The following ASCC3 variants were observed in gnomAD, a reference collection of about 807,000 sequenced individuals.
ASCC3 encodes the protein activating signal cointegrator 1 complex subunit 3.
In ASCC3, 158 loss-of-function variants were observed where a neutral mutation model predicts 256.3. The observed-to-expected ratio is 0.62, with a 90% CI of 0.54 to 0.70. The LOEUF (loss-of-function observed/expected upper bound fraction) is 0.70, where lower values mean the gene tolerates loss of function less well. ASCC3 is among the 30% of genes least tolerant of loss of function. The probability of loss-of-function intolerance (pLI) is 0.00; values close to 1 mark genes in which losing one functional copy is unlikely to be tolerated. For missense variants in ASCC3, 2,259 were observed against 2,626.0 expected, an observed-to-expected ratio of 0.86 and a Z score of 3.05; for synonymous variants, 948 against 883.4, an observed-to-expected ratio of 1.07 and a Z score of -1.30.
chr6:100,615,001 A>T (rs573598990), intron 30 of ASCC3, among the ~76,000 whole-genome samples: 29 of 148,858 alleles, frequency 1.9e-4, no homozygotes, highest in African/African-American at 6.2e-4. Context: ...ACTAATTTTT[A>T]TTTTTTTTTT....
At chr6:100,686,600 C>T (rs561848030) in intron 13 of ASCC3, among the ~76,000 whole-genome samples, 56 of 152,218 alleles carry the variant, frequency 3.7e-4, no homozygotes, top group African/African-American at 1.2e-3. Context: ...AACACCAAAA[C>T]TTATTTATAA....
At chr6:100,608,095 TAC>T (rs1312864616) in intron 30 of ASCC3, among the ~76,000 whole-genome samples, 4,753 of 115,944 alleles carry the variant, frequency 0.041, 288 homozygotes, top group African/African-American at 0.077. Flanking sequence ...TATATCTATA[TAC>T]ACATATATAT....
chr6:100,854,626 C>G (rs567167944), intron 3 of ASCC3, among the ~76,000 whole-genome samples: 1 of 152,110 alleles, frequency 6.6e-6, no homozygotes, highest in African/African-American at 2.4e-5. Flanking sequence ...TATGTACATT[C>G]GTTACAAAAT....
chr6:100,735,959 A>C (rs1780136806), intron 10 of ASCC3, among the ~76,000 whole-genome samples: 1 of 152,076 alleles, frequency 6.6e-6, no homozygotes, highest in Non-Finnish European at 1.5e-5. Context: ...CACATTTTCA[A>C]TTTTAGCAGT....
chr6:100,800,273 C>T (rs12216426), intron 6 of ASCC3, 27 bp downstream of exon 6: 145,485 of 1,607,204 alleles, frequency 0.091, 7,327 homozygotes, highest in South Asian at 0.1. Context: ...ACAACACAAG[C>T]ATTTTTCAGC....
At chr6:100,579,498 C>A (rs558974883) in intron 36 of ASCC3, among the ~76,000 whole-genome samples, 1 of 152,230 alleles carries the variant, frequency 6.6e-6, no homozygotes, top group East Asian at 1.9e-4. Flanking sequence ...AGTCTTCAAT[C>A]CATCTTGACT....
chr6:100,605,278 C>T (rs1007985494), intron 33 of ASCC3, among the ~76,000 whole-genome samples: 4 of 152,152 alleles, frequency 2.6e-5, no homozygotes, highest in African/African-American at 9.7e-5. Flanking sequence ...TGTTAAGCAA[C>T]TTGCTCAAGA....
rs2114375310 is a variant in ASCC3, at chr6:100,808,589, A to G, written c.802-2709T>C. 2.0e-5 allele frequency among the ~76,000 whole-genome samples: 3 copies of G among 152,130 alleles called. 1 individual carries two copies. The highest frequency in any genetic ancestry group is 6.8e-3 in the Middle Eastern group (2 of 294). On this transcript the variant is annotated intron_variant, in intron 4 of 41. Coordinates refer to ENST00000369162, the MANE Select transcript of ASCC3 (RefSeq NM_006828.4). Reference sequence around the variant, plus strand: ...TCTGCTTTCTATTAAACCAGATATTAAAAAGATTGCAAAAATGTAAAATAA... The same window carrying G: ...TCTGCTTTCTATTAAACCAGATATTGAAAAGATTGCAAAAATGTAAAATAA...
At chr6:100,586,237 C>T (rs2114763157) in intron 36 of ASCC3, among the ~76,000 whole-genome samples, 1 of 152,334 alleles carries the variant, frequency 6.6e-6, no homozygotes, top group African/African-American at 2.4e-5. Flanking sequence ...GGGCTCCACC[C>T]AGTTCGAGCT....
chr6:100,823,881 A>T (rs533730643), intron 4 of ASCC3, among the ~76,000 whole-genome samples: 1 of 152,340 alleles, frequency 6.6e-6, no homozygotes, highest in African/African-American at 2.4e-5. Flanking sequence ...TGTTATTCCA[A>T]CAGGAACAAT....
chr6:100,655,728 C>CT lies in ASCC3; in HGVS notation c.2793dup (p.Ala932SerfsTer12), dbSNP rs1362467531. ...TAAGCCTTGTGACTGATGCCATATG[C>CT]TAATGGATTTGCTCTCATCCGTACA... On this transcript the variant is annotated frameshift_variant, in exon 17 of 42. Coordinates refer to ENST00000369162, the MANE Select transcript of ASCC3 (RefSeq NM_006828.4). LOFTEE classifies it high-confidence loss of function. The CT allele has an allele frequency of 6.2e-7, 1 of 1,611,358 alleles. No homozygotes were observed. The highest frequency in any genetic ancestry group is 2.2e-5 in the East Asian group (1 of 44,744).
chr6:100,773,754 C>T (rs9322181), intron 8 of ASCC3, among the ~76,000 whole-genome samples: 1 of 151,792 alleles, frequency 6.6e-6, no homozygotes, highest in African/African-American at 2.4e-5. Flanking sequence ...CTACTAAATA[C>T]ATTTTTATTG....
intron 36 of ASCC3, among the ~76,000 whole-genome samples, chr6:100,579,223 T>C (rs1192537672): frequency 6.6e-6 from 1 of 151,388 alleles, no homozygotes; most frequent in Admixed American, 6.6e-5. Flanking sequence ...CTTAAGTTCC[T>C]TATAGATTCT....
At chr6:100,792,610 C>A (rs1255704241) in intron 8 of ASCC3, among the ~76,000 whole-genome samples, 2 of 151,832 alleles carry the variant, frequency 1.3e-5, no homozygotes, top group Admixed American at 6.6e-5. Context: ...CTTATATAGT[C>A]CAACTATTTA....
chr6:100,594,935 A>C (rs1050769066), intron 34 of ASCC3, among the ~76,000 whole-genome samples: 18 of 152,254 alleles, frequency 1.2e-4, no homozygotes, highest in African/African-American at 4.3e-4. Context: ...CATTGAAATA[A>C]GGTAGGTAGT....
Position 100,859,536 on chromosome 6 carries a change from T to C in ASCC3, c.241+4528A>G, listed in dbSNP as rs1204827826. 5.9e-5 allele frequency among the ~76,000 whole-genome samples: 9 copies of C among 152,062 alleles called. No homozygotes were observed. In the East Asian group the frequency reaches 1.7e-3, roughly 29 times the overall value. ...ACAAAATTGCCAGATTCTGCTACTA[T>C]CTTTTTATACTTCCTATTCCAGTCA... On this transcript the variant is annotated intron_variant, in intron 3 of 41. Coordinates refer to ENST00000369162, the MANE Select transcript of ASCC3 (RefSeq NM_006828.4).
chr6:100,817,465 A>T (rs1360747208), intron 4 of ASCC3, among the ~76,000 whole-genome samples: 1 of 151,990 alleles, frequency 6.6e-6, no homozygotes, highest in Admixed American at 6.6e-5. Context: ...GAAAAACAAT[A>T]GAGAAAATAA....
intron 36 of ASCC3, among the ~76,000 whole-genome samples, chr6:100,572,117 C>G (rs111592579): frequency 6.6e-6 from 1 of 152,088 alleles, no homozygotes; most frequent in African/African-American, 2.4e-5. Flanking sequence ...TGTATCCCCC[C>G]CCATTAATAT....
intron 37 of ASCC3, among the ~76,000 whole-genome samples, chr6:100,530,060 G>C (rs1774792222): frequency 6.6e-6 from 1 of 151,194 alleles, no homozygotes; most frequent in African/African-American, 2.4e-5. Flanking sequence ...GGTATAATTT[G>C]GTATTTAACA....
Sources: gnomAD v4.1 joint callset for allele counts (sites outside exome capture counted in the v4.1 genomes callset) on GRCh38, gnomAD v4.1.1 for gene constraint, MANE v1.5 for transcripts, NCBI Gene and HGNC (gene_info 2026-07-23, HGNC 2026-07-21) for gene names.